KNG1: variants seen among roughly 807,000 people sequenced by gnomAD.
KNG1 encodes kininogen 1.
A neutral mutation model predicts 47.8 loss-of-function variants in KNG1; 23 were observed. That is an observed-to-expected ratio of 0.48 (90% CI 0.35 to 0.68). The LOEUF (loss-of-function observed/expected upper bound fraction) is 0.68. KNG1 is among the 30% of genes least tolerant of loss of function. The pLI is 0.01. For missense variants in KNG1, 762 were observed against 790.2 expected (o/e 0.96, Z 0.43); for synonymous variants, 277 against 277.0 (o/e 1.00, Z 0.00).
chr3:186,734,437 G>A (rs1363548527), intron 7 of KNG1, among the ~76,000 whole-genome samples: 1 of 152,066 alleles, frequency 6.6e-6, no homozygotes, highest in Admixed American at 6.6e-5. Flanking sequence ...GAATATACAT[G>A]ATGTTATCAG....
intron 7 of KNG1, chr3:186,738,846 CAA>C (rs750081275): frequency 3.2e-4 from 101 of 314,458 alleles, no homozygotes; most frequent in Middle Eastern, 1.1e-3. Flanking sequence ...AACTCCATCT[CAA>C]AAAAAAAAAA....
intron 3 of KNG1, 35 bp downstream of exon 3, chr3:186,722,556 G>A: frequency 6.8e-7 from 1 of 1,475,522 alleles, no homozygotes; most frequent in South Asian, 1.1e-5. Context: ...GCCCTGGTGG[G>A]AAATTAACCA....
rs375663819 is a variant in KNG1 at position 186,731,582 on chromosome 3, T to A, written c.710T>A (p.Ile237Asn). The change falls in exon 6 of 10, where the codon ATT becomes AAT. Residue 237 changes from isoleucine to asparagine, a missense_variant. Coordinates refer to ENST00000644859, the MANE Select transcript of KNG1 (RefSeq NM_001102416.3). ...TGTACAGATAATGCATACATCGATA[T>A]TCAGCTACGAATTGCTTCCTTCTCA... ...GECTDNAYIDIQLRIASFSQN... is the reference protein window; with the variant it reads ...GECTDNAYIDNQLRIASFSQN... 9 of 1,612,266 alleles carry A rather than the reference T, an allele frequency of 5.6e-6. No individual in the cohort carries two copies. The highest frequency in any genetic ancestry group is 1.7e-5 in the Admixed American group (1 of 60,002).
intron 9 of KNG1, among the ~76,000 whole-genome samples, chr3:186,741,160 A>G (rs5030082): frequency 0.43 from 65,107 of 151,684 alleles, 14,183 homozygotes; most frequent in African/African-American, 0.5. Flanking sequence ...TGCCCAGCTA[A>G]TTTTTGTATT....
chr3:186,725,829 T>C (rs529328985), intron 4 of KNG1, among the ~76,000 whole-genome samples: 1 of 151,790 alleles, frequency 6.6e-6, no homozygotes, highest in Non-Finnish European at 1.5e-5. Context: ...CCATCATGAC[T>C]TAAACACAGC....
intron 5 of KNG1, among the ~76,000 whole-genome samples, chr3:186,729,989 A>G (rs1720469635): frequency 6.6e-6 from 1 of 151,172 alleles, no homozygotes; most frequent in Admixed American, 6.6e-5. Context: ...TTTTCCCCTC[A>G]CTTCTGGAGA....
intron 7 of KNG1, chr3:186,738,266 C>T (rs768978604): frequency 1.3e-5 from 2 of 152,082 alleles, no homozygotes; most frequent in Non-Finnish European, 2.9e-5. Flanking sequence ...GCATGAACCA[C>T]CACGCCCAGC....
rs1720818410 is a variant in KNG1 at position 186,741,755 on chromosome 3, T to A, written c.1359T>A (p.His453Gln). Residue 453 changes from histidine (H) to glutamine (Q), a missense_variant, in exon 10 of 10, where the codon CAT becomes CAA. Coordinates refer to ENST00000644859, the MANE Select transcript of KNG1 (RefSeq NM_001102416.3). ...HGHKHERDQG[H>Q]GHQRGHGLGH... ...ATAAACATGAACGTGACCAAGGGCA[T>A]GGGCACCAAAGAGGACATGGCCTTG... The A allele has an allele frequency of 6.2e-7, 1 of 1,614,084 alleles. No homozygotes were observed. The highest frequency in any genetic ancestry group is 1.3e-5 in the African/African-American group (1 of 74,940).
rs562481948 is a variant in KNG1 at position 186,719,661 on chromosome 3, A to G, written c.196-444A>G. 2.0e-4 allele frequency among the ~76,000 whole-genome samples: 30 copies of G among 151,820 alleles called. No individual in the cohort carries two copies. The South Asian group carries it at 4.8e-3, about 24-fold the overall frequency. On this transcript the variant is annotated intron_variant, in intron 1 of 9. Transcript: ENST00000644859. ...GGAGAATGGCGTGAACCCGGGAGGCAGAGCTTGCAGTGAGCCGAGATCACG... is the reference window on the plus strand; with the variant it reads ...GGAGAATGGCGTGAACCCGGGAGGCGGAGCTTGCAGTGAGCCGAGATCACG...
At chr3:186,729,309 A>G (rs963121408) in intron 5 of KNG1, among the ~76,000 whole-genome samples, 9 of 152,228 alleles carry the variant, frequency 5.9e-5, no homozygotes, top group African/African-American at 2.2e-4. Flanking sequence ...GTGACCCAGA[A>G]GTTGCACTCT....
At chr3:186,724,643 T>G (rs776096755) in intron 3 of KNG1, among the ~76,000 whole-genome samples, 2 of 152,098 alleles carry the variant, frequency 1.3e-5, no homozygotes, top group Admixed American at 1.3e-4. Flanking sequence ...TCCTTGTATA[T>G]GCTGGATGTT....
chr3:186,721,186 A>T (rs1031749896), intron 2 of KNG1: 19 of 152,180 alleles, frequency 1.2e-4, no homozygotes, highest in African/African-American at 4.3e-4. Context: ...TTATGTCAGA[A>T]CATAAAAGAT....
chr3:186,727,190 A>C, intron 4 of KNG1, 47 bp from the exon 5 acceptor site: 1 of 1,263,894 alleles, frequency 7.9e-7, no homozygotes, highest in Non-Finnish European at 1.2e-6. Context: ...CCCACAGCGA[A>C]TAATGTTTAA....
At chr3:186,726,985 T>C (rs1329513121) in intron 4 of KNG1, among the ~76,000 whole-genome samples, 2 of 151,732 alleles carry the variant, frequency 1.3e-5, no homozygotes, top group Non-Finnish European at 2.9e-5. Context: ...GAAAAATATA[T>C]ATATTGCTTG....
At position 186,725,148 on chromosome 3, in the gene KNG1, C is replaced by T. The variant is rs377332435; in HGVS notation, c.452C>T (p.Thr151Met). ...CTCGGCTGTGTGCATCCTATATCAA[C>T]GCAGAGCCCAGACCTGGAGCCCATT... is the stretch of plus-strand genomic sequence containing the variant. ...DCLGCVHPIS[T>M]QSPDLEPILR... Residue 151 changes from threonine (T) to methionine (M), a missense_variant, in exon 4 of 10, where the codon ACG becomes ATG. Physicochemically the swap from Thr to Met is moderately conservative, Grantham distance 81 (BLOSUM62 -1). Transcript: ENST00000644859. The T allele has an allele frequency of 2.0e-5, 32 of 1,614,150 alleles. No homozygotes were observed. The Admixed American group carries it at 2.2e-4, about 11-fold the overall frequency.
chr3:186,720,766 T>A (rs1318686165), intron 2 of KNG1, among the ~76,000 whole-genome samples: 1 of 143,456 alleles, frequency 7.0e-6, no homozygotes, highest in Non-Finnish European at 1.5e-5. Context: ...TGGCACACCA[T>A]AGCTGGTTGT....
At chr3:186,727,144 C>T (rs572583868) in intron 4 of KNG1, 93 bp from the exon 5 acceptor site, 7 of 876,802 alleles carry the variant, frequency 8.0e-6, no homozygotes, top group South Asian at 2.7e-5. Flanking sequence ...TATTATATTG[C>T]CACACTGTTT....
intron 5 of KNG1, among the ~76,000 whole-genome samples, chr3:186,730,389 C>T (rs1720480929): frequency 6.6e-6 from 1 of 151,674 alleles, no homozygotes; most frequent in Non-Finnish European, 1.5e-5. Flanking sequence ...ACTGGCCGGG[C>T]ACGGTAGCTC....
In KNG1 at chr3:186,717,618, A is replaced by C. The variant is rs779874550; in HGVS notation, c.76A>C (p.Ile26Leu). Residue 26 changes from isoleucine (I) to leucine (L), a missense_variant, in exon 1 of 10, where the codon ATT (isoleucine) becomes CTT (leucine). Coordinates refer to ENST00000644859, the MANE Select transcript of KNG1 (RefSeq NM_001102416.3). ...SLTQESQSEE[I>L]DCNDKDLFKA... ...AACCCAGGAATCACAGTCCGAGGAA[A>C]TTGACTGCAATGACAAGGATTTATT... is the stretch of plus-strand genomic sequence containing the variant. 22 of 1,612,846 alleles carry C rather than the reference A, an allele frequency of 1.4e-5. No homozygotes were observed. The highest frequency in any genetic ancestry group is 2.7e-5 in the African/African-American group (2 of 74,896).
Sources: gnomAD v4.1 joint callset for allele counts (sites outside exome capture counted in the v4.1 genomes callset) on GRCh38, gnomAD v4.1.1 for gene constraint, MANE v1.5 for transcripts, NCBI Gene and HGNC (gene_info 2026-07-23, HGNC 2026-07-21) for gene names.